Variants in TRHDE observed in about 807,000 individuals in gnomAD.
TRHDE encodes the protein thyrotropin releasing hormone degrading enzyme.
In TRHDE, 72 loss-of-function variants were observed where a neutral mutation model predicts 125.7. The ratio of observed to expected loss-of-function variants is 0.57; its 90% CI spans 0.47 to 0.70. The LOEUF is 0.70. TRHDE is among the 30% of genes least tolerant of loss of function. TRHDE has a pLI of 0.00. For synonymous variants in TRHDE, 509 were observed against 509.1 expected, an observed-to-expected ratio of 1.00 and a Z score of 0.00; for missense variants, 1,110 against 1,327.1, an observed-to-expected ratio of 0.84 and a Z score of 2.54.
Position 72,667,980 on chromosome 12 carries a change from A to T in TRHDE, c.*4785A>T, listed in dbSNP as rs1875162194. 2 of 151,642 alleles carry T rather than the reference A, an allele frequency of 1.3e-5. No homozygotes were observed. 9.4% of individuals were successfully genotyped at this position (151,642 alleles called of 1,614,324 possible). A position where few individuals can be genotyped will look rare whatever the true frequency, so the allele number is the denominator to read the frequency against. ...AATGTGTTAATTTTAAGTTAATTAT[A>T]TATTCTTTAAAGCAGATTAAATAAT... On this transcript the variant is annotated 3_prime_UTR_variant, in exon 19 of 19. Transcript: ENST00000261180.
intron 2 of TRHDE, among the ~76,000 whole-genome samples, chr12:72,159,886 C>A (rs1876598037): frequency 6.6e-6 from 1 of 151,916 alleles, no homozygotes; most frequent in Non-Finnish European, 1.5e-5. Flanking sequence ...TTTCCCAGTT[C>A]TCTTTTCATC....
intron 1 of TRHDE, among the ~76,000 whole-genome samples, chr12:72,098,372 G>A (rs966424495): frequency 6.6e-6 from 1 of 152,134 alleles, no homozygotes; most frequent in African/African-American, 2.4e-5. Context: ...CTAGGACCTT[G>A]AAATGCTGAC....
At chr12:72,350,579 A>G (rs1388999142) in intron 2 of TRHDE, among the ~76,000 whole-genome samples, 1 of 152,016 alleles carries the variant, frequency 6.6e-6, no homozygotes, top group Admixed American at 6.6e-5. Flanking sequence ...ATGCTGATGT[A>G]TAGGCCCCTA....
At chr12:72,158,811 G>A (rs564364442) in intron 2 of TRHDE, among the ~76,000 whole-genome samples, 1 of 152,250 alleles carries the variant, frequency 6.6e-6, no homozygotes, top group East Asian at 1.9e-4. Context: ...CTGACTTCAT[G>A]AACATCTGAT....
intron 2 of TRHDE, among the ~76,000 whole-genome samples, chr12:72,300,550 T>C (rs2135685829): frequency 6.6e-6 from 1 of 151,930 alleles, no homozygotes; most frequent in African/African-American, 2.4e-5. Flanking sequence ...AAATAATGTA[T>C]GGCATATATG....
At chr12:72,112,719 T>C (rs1875348208) in intron 2 of TRHDE, among the ~76,000 whole-genome samples, 1 of 152,224 alleles carries the variant, frequency 6.6e-6, no homozygotes, top group Non-Finnish European at 1.5e-5. Flanking sequence ...CTTACATTTC[T>C]CTTTGGCAAG....
At chr12:72,196,725 C>T (rs1877450634) in intron 2 of TRHDE, among the ~76,000 whole-genome samples, 1 of 152,026 alleles carries the variant, frequency 6.6e-6, no homozygotes, top group African/African-American at 2.4e-5. Context: ...GCTAACCCTC[C>T]ACTTGTGTGT....
At chr12:72,437,730 C>T (rs1449354194) in intron 3 of TRHDE, among the ~76,000 whole-genome samples, 2 of 151,748 alleles carry the variant, frequency 1.3e-5, no homozygotes, top group African/African-American at 4.8e-5. Context: ...AGTGGAGTAA[C>T]TAAATCTAAC....
chr12:72,212,485 C>G (rs1254367048), intron 2 of TRHDE, among the ~76,000 whole-genome samples: 2 of 151,950 alleles, frequency 1.3e-5, no homozygotes, highest in Admixed American at 6.6e-5. Flanking sequence ...GAACTTGTAT[C>G]CAGATTACAT....
At position 72,587,405 on chromosome 12, in the gene TRHDE, G is replaced by A. The variant is rs368028991; in HGVS notation, c.2321+11863G>A. 1.6e-4 allele frequency among the ~76,000 whole-genome samples: 24 copies of A among 152,110 alleles called. No homozygotes were observed. In the East Asian group the frequency reaches 2.5e-3, roughly 16 times the overall value. On this transcript the variant is annotated intron_variant, in intron 12 of 18. Coordinates refer to ENST00000261180, the MANE Select transcript of TRHDE (RefSeq NM_013381.3). ...TATTTCAATAAATTAGGTATACAGC[G>A]TAGACATTAATGAATTTGTAGATAG...
chr12:72,162,344 C>A (rs1200481688), intron 2 of TRHDE, among the ~76,000 whole-genome samples: 3 of 152,108 alleles, frequency 2.0e-5, no homozygotes, highest in Non-Finnish European at 4.4e-5. Flanking sequence ...CTGGAGCCAG[C>A]ATATTAAGTG....
chr12:72,227,729 A>T (rs1878162549), intron 2 of TRHDE, among the ~76,000 whole-genome samples: 1 of 152,170 alleles, frequency 6.6e-6, no homozygotes, highest in Non-Finnish European at 1.5e-5. Context: ...AATCAAAAGC[A>T]AGTTAGTTAC....
chr12:72,184,448 T>C (rs1877160326), intron 2 of TRHDE, among the ~76,000 whole-genome samples: 1 of 152,158 alleles, frequency 6.6e-6, no homozygotes, highest in Non-Finnish European at 1.5e-5. Flanking sequence ...TCTGATGTTT[T>C]TTAATGGGGC....
chr12:72,222,284 T>C (rs936380353), intron 2 of TRHDE, among the ~76,000 whole-genome samples: 6 of 152,068 alleles, frequency 3.9e-5, no homozygotes, highest in Non-Finnish European at 7.4e-5. Flanking sequence ...TTGTTCCTGG[T>C]AAGAAGAGCA....
intron 2 of TRHDE, among the ~76,000 whole-genome samples, chr12:72,291,388 T>A (rs1297655047): frequency 6.6e-6 from 1 of 152,196 alleles, no homozygotes; most frequent in Admixed American, 6.5e-5. Flanking sequence ...GTTCCTTAAT[T>A]ATGGATGAAT....
rs1871302331 is a variant in TRHDE, at chr12:72,583,047, A to G, written c.2321+7505A>G. ...ATGTATTGTTTATTGCTGTCATTGG[A>G]CATGGAGAGAAGGATGACTCTTCAG... On this transcript the variant is annotated intron_variant, in intron 12 of 18. Transcript: ENST00000261180. Among the ~76,000 whole-genome samples the G allele has an allele frequency of 7.9e-5, 12 of 152,320 alleles. No homozygotes were observed. In the South Asian group the frequency reaches 2.5e-3, roughly 32 times the overall value.
At chr12:72,516,850 A>G (rs1415037896) in intron 6 of TRHDE, among the ~76,000 whole-genome samples, 5 of 152,142 alleles carry the variant, frequency 3.3e-5, no homozygotes, top group Non-Finnish European at 5.9e-5. Flanking sequence ...AGTTTTTAGC[A>G]TGAAGCGTTG....
rs373033140 is a variant in TRHDE at position 72,286,638 on chromosome 12, C to T, written c.915-43C>T. ...CATGTAATGTGGCCATAACTTAACT[C>T]ACAACATAAATGTAATTGAGAATGT... On this transcript the variant is annotated intron_variant, in intron 1 of 18. Transcript: ENST00000261180. 1.7e-5 allele frequency: 27 copies of T among 1,575,510 alleles called. No individual in the cohort carries two copies. The African/African-American group carries it at 2.7e-4, about 16-fold the overall frequency.
At chr12:72,145,594 T>G (rs1409127142) in intron 2 of TRHDE, among the ~76,000 whole-genome samples, 3 of 152,220 alleles carry the variant, frequency 2.0e-5, no homozygotes, top group Non-Finnish European at 4.4e-5. Context: ...ACTAAGGGCT[T>G]GAAAGTAAAA....
Sources: gnomAD v4.1 joint callset for allele counts (sites outside exome capture counted in the v4.1 genomes callset) on GRCh38, gnomAD v4.1.1 for gene constraint, MANE v1.5 for transcripts, NCBI Gene and HGNC (gene_info 2026-07-23, HGNC 2026-07-21) for gene names.